The following VLDLR variants were observed in gnomAD, a reference collection of about 807,000 sequenced individuals.
VLDLR encodes very low density lipoprotein receptor, also known as very low-density lipoprotein receptor.
A neutral mutation model predicts 112.7 loss-of-function variants in VLDLR; 81 were observed. That is an observed-to-expected ratio of 0.72 (90% CI 0.60 to 0.86). The LOEUF (loss-of-function observed/expected upper bound fraction) is 0.86, where lower values mean the gene tolerates loss of function less well. VLDLR is among the 40% of genes least tolerant of loss of function. VLDLR has a pLI of 0.00. For synonymous variants in VLDLR, 436 were observed against 384.8 expected (o/e 1.13, Z -1.56); for missense variants, 1,237 against 1,099.4 (o/e 1.13, Z -1.77).
chr9:2,645,422 C>T, intron 9 of VLDLR, 152 bp from the exon 10 acceptor site: 2 of 973,026 alleles, frequency 2.1e-6, no homozygotes, highest in East Asian at 5.1e-5. Context: ...GAAGCACTTG[C>T]AGGTCCCAGG....
chr9:2,647,795 C>A, intron 12 of VLDLR: 1 of 649,620 alleles, frequency 1.5e-6, no homozygotes, highest in Non-Finnish European at 2.8e-6. Context: ...GGCCTGTTGT[C>A]CAGCTGGGCC....
intron 15 of VLDLR, among the ~76,000 whole-genome samples, chr9:2,650,931 G>A (rs979436099): frequency 6.6e-6 from 1 of 152,156 alleles, no homozygotes; most frequent in Non-Finnish European, 1.5e-5. Context: ...TTTGCATTTA[G>A]TCTTCTGTTC....
Position 2,648,191 on chromosome 9 carries a change from A to G in VLDLR, c.1823-17A>G, listed in dbSNP as rs1818157415. Reference sequence around the variant, plus strand: ...AGTAGTGGCTTGTCATGTAATGACAATTCTTTTCCTACCTAGACCTTATAA... The same window carrying G: ...AGTAGTGGCTTGTCATGTAATGACAGTTCTTTTCCTACCTAGACCTTATAA... On this transcript the variant is annotated splice_polypyrimidine_tract_variant and intron_variant, in intron 12 of 18. Transcript: ENST00000382100. 1.2e-6 allele frequency: 2 copies of G among 1,613,792 alleles called. No homozygotes were observed. The highest frequency in any genetic ancestry group is 1.7e-6 in the Non-Finnish European group (2 of 1,179,930).
intron 2 of VLDLR, among the ~76,000 whole-genome samples, chr9:2,636,627 G>A (rs1817607403): frequency 6.6e-6 from 1 of 152,112 alleles, no homozygotes. Context: ...ACCATCTCAG[G>A]GAAGAAACTT....
At chr9:2,652,091 T>A in intron 17 of VLDLR, 137 bp downstream of exon 17, 2 of 791,032 alleles carry the variant, frequency 2.5e-6, no homozygotes, top group South Asian at 3.0e-5. Context: ...GTTCGCTTTC[T>A]CCCCCACATA....
rs577240827 is a variant in VLDLR, at chr9:2,626,776, G to T, written c.82+4505G>T. On this transcript the variant is annotated intron_variant, in intron 1 of 18. Transcript: ENST00000382100. ...TTTGCCAACCAAGGGACATAACAAA[G>T]CCTCGGCGATAGACAGCATTTGTGA... Among the ~76,000 whole-genome samples the T allele has an allele frequency of 8.0e-5, 12 of 150,660 alleles. No homozygotes were observed. In the South Asian group the frequency reaches 2.3e-3, roughly 29 times the overall value.
At position 2,648,247 on chromosome 9, in the gene VLDLR, T is replaced by G. The variant is rs1285530220; in HGVS notation, c.1862T>G (p.Leu621Trp). ...CGCCTCTATTGGCTTGATTCTAAGT[T>G]GCACATGTTATCCAGCGTGGACTTG... ...KSRLYWLDSK[L>W]HMLSSVDLNG... Residue 621 changes from leucine to tryptophan, a missense_variant, in exon 13 of 19, where the codon TTG (leucine) becomes TGG (tryptophan). Physicochemically the swap from Leu to Trp is moderately conservative, Grantham distance 61 (BLOSUM62 -2). Transcript: ENST00000382100. The G allele has an allele frequency of 5.0e-6, 8 of 1,614,124 alleles. 1 individual carries two copies. The highest frequency in any genetic ancestry group is 5.9e-6 in the Non-Finnish European group (7 of 1,180,032).
chr9:2,637,704 G>A (rs181943513), intron 2 of VLDLR, among the ~76,000 whole-genome samples: 43 of 152,238 alleles, frequency 2.8e-4, no homozygotes, highest in African/African-American at 8.9e-4. Context: ...CACTTTGGGC[G>A]GCCTAGGCAG....
At position 2,648,071 on chromosome 9, in the gene VLDLR, A is replaced by G. The variant is rs1178792518; in HGVS notation, c.1823-137A>G. The G allele has an allele frequency of 7.5e-6, 9 of 1,198,512 alleles. No individual in the cohort carries two copies. In the African/African-American group the frequency reaches 1.4e-4, roughly 18 times the overall value. The allele number at this position is 1,198,512 out of a possible 1,614,324, so 74.2% of individuals were successfully genotyped here. A position where few individuals can be genotyped will look rare whatever the true frequency, so the allele number is the denominator to read the frequency against. On this transcript the variant is annotated intron_variant, in intron 12 of 18. Coordinates refer to ENST00000382100, the MANE Select transcript of VLDLR (RefSeq NM_003383.5). ...ATACAGGCTCTGCATGCTGCTTCGC[A>G]AGGTTTATGGTGACCCCGTTAAGAA...
At chr9:2,636,725 C>G (rs1174863693) in intron 2 of VLDLR, among the ~76,000 whole-genome samples, 1 of 152,208 alleles carries the variant, frequency 6.6e-6, no homozygotes, top group Non-Finnish European at 1.5e-5. Flanking sequence ...ATCTATTCCA[C>G]AAGACACTGA....
At chr9:2,649,635 G>C (rs1818230611) in intron 14 of VLDLR, among the ~76,000 whole-genome samples, 1 of 152,116 alleles carries the variant, frequency 6.6e-6, no homozygotes, top group African/African-American at 2.4e-5. Context: ...AAAGTAATCT[G>C]CCTGCCTCGG....
At chr9:2,639,286 G>C (rs1407738986) in intron 2 of VLDLR, among the ~76,000 whole-genome samples, 1 of 152,200 alleles carries the variant, frequency 6.6e-6, no homozygotes, top group African/African-American at 2.4e-5. Context: ...AAGAGAGAGA[G>C]AGTAAGCGCT....
intron 9 of VLDLR, 135 bp from the exon 10 acceptor site, chr9:2,645,439 A>C: frequency 1.8e-6 from 2 of 1,121,856 alleles, no homozygotes; most frequent in East Asian, 2.4e-5. Context: ...CAGGGGCAGG[A>C]ACTCCAGAAC....
rs1268702612 is a variant in VLDLR, at chr9:2,622,245, C to G, written c.56C>G (p.Pro19Arg). Residue 19 changes from proline (P) to arginine (R), a missense_variant, in exon 1 of 19, where the codon CCC (proline) becomes CGC (arginine). Coordinates refer to ENST00000382100, the MANE Select transcript of VLDLR (RefSeq NM_003383.5). The stretch of plus-strand genomic sequence containing the variant: ...CTGCTGCTCGCGCTGTGCTGGGCGC[C>G]CCGGGAGAGCGGCGCCACCGGAACC... ...LWLLLALCWA[P>R]RESGATGTGR... is the part of the protein sequence containing the mutation. The G allele has an allele frequency of 1.5e-5, 22 of 1,495,252 alleles. No individual in the cohort carries two copies. The highest frequency in any genetic ancestry group is 1.8e-6 in the Non-Finnish European group (2 of 1,129,094). The allele number at this position is 1,495,252 out of a possible 1,614,324, so 92.6% of individuals were successfully genotyped here.
At chr9:2,631,844 CAT>C (rs981104436) in intron 1 of VLDLR, among the ~76,000 whole-genome samples, 3 of 152,154 alleles carry the variant, frequency 2.0e-5, no homozygotes, top group Non-Finnish European at 4.4e-5. Context: ...ACATGTACCT[CAT>C]AAATTTATAC....
In VLDLR at chr9:2,643,823, G is replaced by C. The variant is rs1817936314; in HGVS notation, c.944-14G>C. On this transcript the variant is annotated splice_polypyrimidine_tract_variant and intron_variant, in intron 6 of 18. Transcript: ENST00000382100. Reference sequence around the variant, plus strand: ...CCCACTCATGGAATCTCTCTTCTTTGTTTCTCTTTGTAGTCAATCAGTGCT... The same window carrying C: ...CCCACTCATGGAATCTCTCTTCTTTCTTTCTCTTTGTAGTCAATCAGTGCT... 1 of 1,614,160 alleles carries C rather than the reference G, an allele frequency of 6.2e-7. No individual in the cohort carries two copies. The highest frequency in any genetic ancestry group is 8.5e-7 in the Non-Finnish European group (1 of 1,180,036).
rs368696966 is a variant in VLDLR at position 2,650,494 on chromosome 9, G to A, written c.2229G>A (p.Glu743=). 1.2e-5 allele frequency: 19 copies of A among 1,613,898 alleles called. No individual in the cohort carries two copies. The African/African-American group carries it at 1.9e-4, about 16-fold the overall frequency. Residue 743 remains glutamate (E), a synonymous_variant, in exon 15 of 19, where the codon GAG becomes GAA. Transcript: ENST00000382100. Reference sequence around the variant, plus strand: ...CCTGTCCCAGTGGGTACAATGTAGAGGAAAATGGCCGAGACTGTCAAAGTA... The same window carrying A: ...CCTGTCCCAGTGGGTACAATGTAGAAGAAAATGGCCGAGACTGTCAAAGTA... ...TCSCPSGYNV[E]ENGRDCQSTA...
chr9:2,631,583 G>A (rs1273861408), intron 1 of VLDLR, among the ~76,000 whole-genome samples: 3 of 152,144 alleles, frequency 2.0e-5, no homozygotes, highest in African/African-American at 7.2e-5. Flanking sequence ...AATATCTTAT[G>A]TTCTCAATCG....
chr9:2,644,939 T>A lies in VLDLR; in HGVS notation c.1187-18T>A. 1 of 1,614,060 alleles carries A rather than the reference T, an allele frequency of 6.2e-7. No homozygotes were observed. Among genetic ancestry groups the A allele is most frequent in the East Asian group, 2.2e-5 (1 of 44,884 alleles). ...TAAGGTATAGGAGCAGCAAGACTAA[T>A]TCTGATTTCCCTCCCAGATATTGAT... On this transcript the variant is annotated intron_variant, in intron 8 of 18. Coordinates refer to ENST00000382100, the MANE Select transcript of VLDLR (RefSeq NM_003383.5).
Sources: allele counts gnomAD v4.1 joint callset (sites outside exome capture counted in the v4.1 genomes callset), GRCh38; gene constraint gnomAD v4.1.1; transcripts MANE v1.5; gene names NCBI Gene and HGNC (gene_info 2026-07-23, HGNC 2026-07-21).